The following PDE4B variants were observed in gnomAD, a reference collection of about 807,000 sequenced individuals.
The protein encoded by PDE4B is 3',5'-cyclic-AMP phosphodiesterase 4B.
Under a neutral mutation model 82.2 loss-of-function variants are expected in PDE4B, and 20 were observed. The observed-to-expected ratio is 0.24, with a 90% CI of 0.17 to 0.35. PDE4B has a LOEUF of 0.35. PDE4B is among the 10% of genes least tolerant of loss of function. The pLI is 1.00. For synonymous variants in PDE4B, 320 were observed against 318.9 expected (o/e 1.00, Z -0.04); for missense variants, 655 against 907.2 (o/e 0.72, Z 3.57).
At position 66,117,757 on chromosome 1, in the gene PDE4B, G is replaced by C. The variant is rs1645626069; in HGVS notation, c.282-129703G>C. On this transcript the variant is annotated intron_variant, in intron 3 of 16. Coordinates refer to ENST00000341517, the MANE Select transcript of PDE4B (RefSeq NM_002600.4). ...TATCAGCCCATCTGAGTTTTCTTTGGTTCTGGTACATTTTTCTTTTCTATA... is the reference window on the plus strand; with the variant it reads ...TATCAGCCCATCTGAGTTTTCTTTGCTTCTGGTACATTTTTCTTTTCTATA... 2.6e-5 allele frequency among the ~76,000 whole-genome samples: 4 copies of C among 152,110 alleles called. No homozygotes were observed. The South Asian group carries it at 8.3e-4, about 32-fold the overall frequency.
At chr1:66,087,481 A>C (rs1159643498) in intron 3 of PDE4B, among the ~76,000 whole-genome samples, 2 of 152,116 alleles carry the variant, frequency 1.3e-5, no homozygotes, top group Non-Finnish European at 2.9e-5. Context: ...TTTGCTGTGC[A>C]GAAGCTCTTT....
chr1:66,056,485 C>CATCTATCT (rs1553138871), intron 3 of PDE4B, among the ~76,000 whole-genome samples: 14 of 143,570 alleles, frequency 9.8e-5, no homozygotes, highest in Non-Finnish European at 1.2e-4. Context: ...ATCTATCTAT[C>CATCTATCT]ATCTATCTAT....
At chr1:66,158,349 G>C (rs1312619481) in intron 3 of PDE4B, among the ~76,000 whole-genome samples, 3 of 152,130 alleles carry the variant, frequency 2.0e-5, no homozygotes, top group Admixed American at 1.3e-4. Context: ...AACAAGCAAT[G>C]CTATTTCAAA....
intron 3 of PDE4B, among the ~76,000 whole-genome samples, chr1:66,242,752 C>T (rs1287969028): frequency 6.9e-6 from 1 of 144,134 alleles, no homozygotes; most frequent in East Asian, 2.3e-4. Context: ...GATTTTTCCT[C>T]CCAGGCTTAT....
intron 7 of PDE4B, among the ~76,000 whole-genome samples, chr1:66,322,675 A>T (rs1198374133): frequency 6.6e-6 from 1 of 151,888 alleles, no homozygotes; most frequent in African/African-American, 2.4e-5. Flanking sequence ...GCTGGAGAGG[A>T]TGTGGAGAAA....
At chr1:65,978,168 C>T (rs1375932526) in intron 3 of PDE4B, among the ~76,000 whole-genome samples, 2 of 151,484 alleles carry the variant, frequency 1.3e-5, no homozygotes, top group South Asian at 2.1e-4. Flanking sequence ...GTTGGGATTA[C>T]AGGCGCCCAC....
intron 3 of PDE4B, among the ~76,000 whole-genome samples, chr1:66,134,046 A>G (rs577296261): frequency 1.1e-4 from 2 of 17,480 alleles, no homozygotes; most frequent in East Asian, 5.6e-4. Flanking sequence ...AAAACTGGAA[A>G]AAAAAAAAAA....
intron 6 of PDE4B, among the ~76,000 whole-genome samples, chr1:66,265,441 T>C (rs561165583): frequency 2.0e-5 from 3 of 152,190 alleles, no homozygotes; most frequent in Non-Finnish European, 4.4e-5. Context: ...TTGTTTCATT[T>C]AACCCCTGAC....
intron 3 of PDE4B, among the ~76,000 whole-genome samples, chr1:65,937,979 G>A (rs1648248166): frequency 6.6e-6 from 1 of 152,130 alleles, no homozygotes; most frequent in Non-Finnish European, 1.5e-5. Context: ...TGTGAGATGG[G>A]CATTATTCCT....
chr1:66,308,475 T>C (rs1230244501), intron 7 of PDE4B, among the ~76,000 whole-genome samples: 6 of 152,208 alleles, frequency 3.9e-5, no homozygotes, highest in Non-Finnish European at 7.3e-5. Context: ...GCCAATTCCA[T>C]AGAAGGCCCC....
At chr1:66,144,569 T>A (rs1342398742) in intron 3 of PDE4B, among the ~76,000 whole-genome samples, 1 of 152,174 alleles carries the variant, frequency 6.6e-6, no homozygotes, top group Non-Finnish European at 1.5e-5. Flanking sequence ...ACTTTAAGCA[T>A]TAACATGACA....
chr1:66,083,838 C>G (rs1244201245), intron 3 of PDE4B, among the ~76,000 whole-genome samples: 1 of 152,106 alleles, frequency 6.6e-6, no homozygotes, highest in Non-Finnish European at 1.5e-5. Flanking sequence ...TCAATATCAC[C>G]TTGTTCCTAA....
chr1:66,147,210 A>G (rs1165400528), intron 3 of PDE4B, among the ~76,000 whole-genome samples: 1 of 152,234 alleles, frequency 6.6e-6, no homozygotes, highest in African/African-American at 2.4e-5. Flanking sequence ...ACCATTTTCA[A>G]ATTATTTGTG....
At chr1:65,848,317 G>C (rs1224667128) in intron 1 of PDE4B, among the ~76,000 whole-genome samples, 2 of 151,898 alleles carry the variant, frequency 1.3e-5, no homozygotes, top group African/African-American at 4.8e-5. Flanking sequence ...TTTTGTGTGT[G>C]TGTGTTTTAG....
chr1:66,033,243 A>G (rs1261608641), intron 3 of PDE4B, among the ~76,000 whole-genome samples: 1 of 152,122 alleles, frequency 6.6e-6, no homozygotes, highest in Non-Finnish European at 1.5e-5. Context: ...AAGACTGTCC[A>G]AATAAACTTT....
At chr1:66,045,398 G>A (rs938184220) in intron 3 of PDE4B, among the ~76,000 whole-genome samples, 1 of 151,626 alleles carries the variant, frequency 6.6e-6, no homozygotes, top group Non-Finnish European at 1.5e-5. Flanking sequence ...CCAAAGAGAA[G>A]GCACCCTTAA....
intron 7 of PDE4B, among the ~76,000 whole-genome samples, chr1:66,320,610 G>T (rs1403570379): frequency 6.6e-6 from 1 of 152,120 alleles, no homozygotes; most frequent in African/African-American, 2.4e-5. Flanking sequence ...CCCATCTGTT[G>T]ATATGTTGGG....
intron 3 of PDE4B, among the ~76,000 whole-genome samples, chr1:65,931,632 A>G (rs1179104683): frequency 1.3e-5 from 2 of 152,212 alleles, no homozygotes; most frequent in Non-Finnish European, 2.9e-5. Context: ...CACCAATTCA[A>G]CAACAACTCA....
At chr1:66,152,183 C>G (rs546601079) in intron 3 of PDE4B, among the ~76,000 whole-genome samples, 40 of 152,154 alleles carry the variant, frequency 2.6e-4, no homozygotes, top group Non-Finnish European at 5.0e-4. Context: ...TTTGAGAATT[C>G]TAGTGATCAT....
Sources: gnomAD v4.1 joint callset for allele counts (sites outside exome capture counted in the v4.1 genomes callset) on GRCh38, gnomAD v4.1.1 for gene constraint, MANE v1.5 for transcripts, NCBI Gene and HGNC (gene_info 2026-07-23, HGNC 2026-07-21) for gene names.